The following OTX1 variants were observed in gnomAD, a reference collection of about 807,000 sequenced individuals.
OTX1 encodes the protein orthodenticle homeobox 1.
Under a neutral mutation model 26.7 loss-of-function variants are expected in OTX1, and 7 were observed. The observed-to-expected ratio is 0.26, with a 90% CI of 0.15 to 0.49. OTX1 has a LOEUF of 0.49. Among genes scored for constraint, OTX1 ranks in the 20% least tolerant of loss-of-function variants. The pLI is 0.98. For missense variants in OTX1, 414 were observed against 483.8 expected (o/e 0.86, Z 1.35); for synonymous variants, 216 against 212.8 (o/e 1.01, Z -0.13).
chr2:63,056,300 G>C lies in OTX1; in HGVS notation c.1049G>C (p.Arg350Pro), dbSNP rs972585229. ...GACTATAAGGACCAAGCCTCATGGCGGTTCCAGGTCTTGTGAGCCCAGGAA... is the reference window on the plus strand; with the variant it reads ...GACTATAAGGACCAAGCCTCATGGCCGTTCCAGGTCTTGTGAGCCCAGGAA... Reference protein sequence around the residue: ...CLDYKDQASWRFQVL With the variant: ...CLDYKDQASWPFQVL The change falls in exon 5 of 5, where the codon CGG becomes CCG. Residue 350 changes from arginine to proline, a missense_variant. Physicochemically the swap from Arg to Pro is moderately radical, Grantham distance 103. Around this residue, in one of 3 missense-constraint regions of OTX1, gnomAD observed 320 missense variants for 347.9 expected, o/e 0.92. Coordinates refer to ENST00000282549, the MANE Select transcript of OTX1 (RefSeq NM_014562.4). 3.7e-6 allele frequency: 6 copies of C among 1,611,962 alleles called. No homozygotes were observed. The highest frequency in any genetic ancestry group is 5.1e-6 in the Non-Finnish European group (6 of 1,178,514).
Position 63,055,355 on chromosome 2 carries a change from TG to T in OTX1, c.250-144del. 1 of 831,528 alleles carries T rather than the reference TG, an allele frequency of 1.2e-6. No homozygotes were observed. Among genetic ancestry groups the T allele is most frequent in the Non-Finnish European group, 1.8e-6 (1 of 544,552 alleles). The allele number at this position is 831,528 out of a possible 1,614,324, so 51.5% of individuals were successfully genotyped here. The stretch of plus-strand genomic sequence containing the variant: ...GGGAACCGAGGTAGGGGGCAGGGTC[TG>T]GCCAGGCCAGAGACAGGAAGGGGCG... On this transcript the variant is annotated intron_variant, in intron 4 of 4. Transcript: ENST00000282549. The surrounding 1 kb of genome is among the most constrained non-coding windows in gnomAD (Gnocchi z 5.2).
chr2:63,052,895 G>T lies in OTX1; in HGVS notation c.-96G>T, dbSNP rs907728573. 5.4e-5 allele frequency: 40 copies of T among 738,444 alleles called. No individual in the cohort carries two copies. The highest frequency in any genetic ancestry group is 2.4e-4 in the Middle Eastern group (1 of 4,166). The allele number at this position is 738,444 out of a possible 1,614,324, so 45.7% of individuals were successfully genotyped here. On this transcript the variant is annotated 5_prime_UTR_variant, in exon 3 of 5. Transcript: ENST00000282549. ...GTCTTCATAGGCCAGGCCCCCAGAC[G>T]CATCAGACCCTGAAGGACTGCGTGG...
At position 63,056,400 on chromosome 2, in the gene OTX1, CT is replaced by C; in HGVS notation, c.*87del. 2 of 1,228,026 alleles carry C rather than the reference CT, an allele frequency of 1.6e-6. No individual in the cohort carries two copies. The highest frequency in any genetic ancestry group is 2.2e-5 in the Admixed American group (1 of 46,148). 76.1% of individuals were successfully genotyped at this position (1,228,026 alleles called of 1,614,324 possible). On this transcript the variant is annotated 3_prime_UTR_variant, in exon 5 of 5. Transcript: ENST00000282549. ...CTGTTGCTGCTGCTGCACCGCCCGC[CT>C]TTGCCTCGTCTTCTCCAAAACTGAA... is the stretch of plus-strand genomic sequence containing the variant.
chr2:63,050,450 C>T (rs1029992302), upstream of OTX1, among the ~76,000 whole-genome samples: 7 of 152,152 alleles, frequency 4.6e-5, no homozygotes, highest in Non-Finnish European at 7.4e-5. Context: ...ACCGGTTCTC[C>T]AGCACCTCGC....
In OTX1 at chr2:63,056,318, C is replaced by G. The variant is rs771292265; in HGVS notation, c.*2C>G. On this transcript the variant is annotated 3_prime_UTR_variant, in exon 5 of 5. Coordinates refer to ENST00000282549, the MANE Select transcript of OTX1 (RefSeq NM_014562.4). Reference sequence around the variant, plus strand: ...TCATGGCGGTTCCAGGTCTTGTGAGCCCAGGAATGAAAGAGGAGAAGAAAC... The same window carrying G: ...TCATGGCGGTTCCAGGTCTTGTGAGGCCAGGAATGAAAGAGGAGAAGAAAC... 6.2e-7 allele frequency: 1 copy of G among 1,604,194 alleles called. No individual in the cohort carries two copies. The highest frequency in any genetic ancestry group is 8.5e-7 in the Non-Finnish European group (1 of 1,173,194).
Position 63,056,413 on chromosome 2 carries a change from T to C in OTX1, c.*97T>C. ...TGCACCGCCCGCCTTTGCCTCGTCT[T>C]CTCCAAAACTGAATTTTCACCCCCC... On this transcript the variant is annotated 3_prime_UTR_variant, in exon 5 of 5. Coordinates refer to ENST00000282549, the MANE Select transcript of OTX1 (RefSeq NM_014562.4). 9.0e-7 allele frequency: 1 copy of C among 1,107,434 alleles called. No individual in the cohort carries two copies. Among genetic ancestry groups the C allele is most frequent in the Non-Finnish European group, 1.3e-6 (1 of 772,522 alleles). 68.6% of individuals were successfully genotyped at this position (1,107,434 alleles called of 1,614,324 possible).
chr2:63,055,808 C>T lies in OTX1; in HGVS notation c.557C>T (p.Ser186Leu), dbSNP rs1273625245. The T allele has an allele frequency of 1.2e-6, 2 of 1,612,214 alleles. No individual in the cohort carries two copies. The highest frequency in any genetic ancestry group is 4.5e-5 in the East Asian group (2 of 44,854). ...AGCCCGGCCTCCATCTCGCCAGGCT[C>T]AGCGCCCGCGTCCGTGTCGGTGCCG... Reference protein sequence around the residue: ...IWSPASISPGSAPASVSVPEP... With the variant: ...IWSPASISPGLAPASVSVPEP... Residue 186 changes from serine to leucine, a missense_variant, in exon 5 of 5, where the codon TCA becomes TTA. Around this residue, in one of 3 missense-constraint regions of OTX1, gnomAD observed 320 missense variants for 347.9 expected, o/e 0.92. Coordinates refer to ENST00000282549, the MANE Select transcript of OTX1 (RefSeq NM_014562.4). The surrounding 1 kb of genome is among the most constrained non-coding windows in gnomAD (Gnocchi z 5.2).
In OTX1 at chr2:63,055,661, C is replaced by G; in HGVS notation, c.410C>G (p.Ser137Trp). The G allele has an allele frequency of 1.9e-6, 3 of 1,614,058 alleles. No homozygotes were observed. The highest frequency in any genetic ancestry group is 2.5e-6 in the Non-Finnish European group (3 of 1,180,010). The stretch of plus-strand genomic sequence containing the variant: ...CCGCCAGCTGTGTCCAGCTCTGCCT[C>G]GTCCTCTAGCTCGGCGTCCAGCTCT... ...FTPPAVSSSA[S>W]SSSSASSSSA... Residue 137 changes from serine (S) to tryptophan (W), a missense_variant, in exon 5 of 5, where the codon TCG becomes TGG. Ser to Trp is a radical substitution (Grantham distance 177, BLOSUM62 -3). Transcript: ENST00000282549. This position sits in a 1 kb window ranked among gnomAD's most constrained non-coding sequence, Gnocchi z 5.2.
chr2:63,057,186 A>T lies in OTX1; in HGVS notation c.*870A>T, dbSNP rs992324353. 6.6e-6 allele frequency: 1 copy of T among 151,858 alleles called. No individual in the cohort carries two copies. Among genetic ancestry groups the T allele is most frequent in the Non-Finnish European group, 1.5e-5 (1 of 68,010 alleles). The allele number at this position is 151,858 out of a possible 1,614,324, so 9.4% of individuals were successfully genotyped here. Reference sequence around the variant, plus strand: ...ACATATATAAAAAACAAAAGCAAAAAATATTTTCCCTCTGTCCGTCCCCCT... The same window carrying T: ...ACATATATAAAAAACAAAAGCAAAATATATTTTCCCTCTGTCCGTCCCCCT... On this transcript the variant is annotated 3_prime_UTR_variant, in exon 5 of 5. Transcript: ENST00000282549.
upstream of OTX1, chr2:63,050,644 CGGGAGGGCG>C (rs959986691): frequency 8.1e-5 from 3 of 36,938 alleles, no homozygotes; most frequent in South Asian, 1.1e-3. Context: ...CGGGGCGGGG[CGGGAGGGCG>C]GGGAGGGCGG....
In OTX1 at chr2:63,056,630, T is replaced by C; in HGVS notation, c.*314T>C. 2.5e-6 allele frequency: 1 copy of C among 404,042 alleles called. No homozygotes were observed. The highest frequency in any genetic ancestry group is 2.0e-5 in the African/African-American group (1 of 50,528). The allele number at this position is 404,042 out of a possible 1,614,324, so 25.0% of individuals were successfully genotyped here. A position where few individuals can be genotyped will look rare whatever the true frequency, so the allele number is the denominator to read the frequency against. On this transcript the variant is annotated 3_prime_UTR_variant, in exon 5 of 5. Transcript: ENST00000282549. ...CTCTTAAGCCTCCCCTTCCAGTCTT[T>C]CTGGACAGCTATTAAGCACTTGCAG...
In OTX1 at chr2:63,055,664, C is replaced by T. The variant is rs376661345; in HGVS notation, c.413C>T (p.Ser138Phe). ...TPPAVSSSAS[S>F]SSSASSSSAN... ...CCAGCTGTGTCCAGCTCTGCCTCGT[C>T]CTCTAGCTCGGCGTCCAGCTCTTCC... The change falls in exon 5 of 5, where the codon TCC becomes TTC. Residue 138 changes from serine to phenylalanine, a missense_variant. Ser to Phe is a radical substitution (Grantham distance 155). This residue lies in a region of OTX1 where 320 missense variants were observed against 347.9 expected (regional missense o/e 0.92). Coordinates refer to ENST00000282549, the MANE Select transcript of OTX1 (RefSeq NM_014562.4). This position sits in a 1 kb window ranked among gnomAD's most constrained non-coding sequence, Gnocchi z 5.2. 10 of 1,613,954 alleles carry T rather than the reference C, an allele frequency of 6.2e-6. No individual in the cohort carries two copies. Among genetic ancestry groups the T allele is most frequent in the Non-Finnish European group, 7.6e-6 (9 of 1,180,016 alleles).
Position 63,055,649 on chromosome 2 carries a change from C to T in OTX1, c.398C>T (p.Ser133Phe), listed in dbSNP as rs141612476. ...SSGQFTPPAV[S>F]SSASSSSSAS... ...GGCCAATTCACGCCGCCAGCTGTGT[C>T]CAGCTCTGCCTCGTCCTCTAGCTCG... Residue 133 changes from serine to phenylalanine, a missense_variant, in exon 5 of 5, where the codon TCC becomes TTC. Coordinates refer to ENST00000282549, the MANE Select transcript of OTX1 (RefSeq NM_014562.4). This position sits in a 1 kb window ranked among gnomAD's most constrained non-coding sequence, Gnocchi z 5.2. The T allele has an allele frequency of 6.2e-6, 10 of 1,614,024 alleles. No homozygotes were observed. The highest frequency in any genetic ancestry group is 8.5e-6 in the Non-Finnish European group (10 of 1,180,034).
intron 3 of OTX1, 112 bp from the exon 4 acceptor site, chr2:63,053,935 G>A (rs778923519): frequency 2.4e-6 from 3 of 1,269,196 alleles, no homozygotes; most frequent in Non-Finnish European, 3.2e-6. Context: ...TTCCCAGTTC[G>A]GCTTTCTTTT....
chr2:63,053,205 G>A, intron 3 of OTX1, 118 bp downstream of exon 3: 2 of 646,958 alleles, frequency 3.1e-6, no homozygotes, highest in East Asian at 6.1e-5. Context: ...CTGCAACACA[G>A]GGCCCACTGT....
chr2:63,053,788 TCTTAA>T lies in OTX1; in HGVS notation c.98-255_98-251del, dbSNP rs2062044439. 1.0e-5 allele frequency: 5 copies of T among 486,176 alleles called. No homozygotes were observed. In the Admixed American group the frequency reaches 1.5e-4, roughly 15 times the overall value. The allele number at this position is 486,176 out of a possible 1,614,324, so 30.1% of individuals were successfully genotyped here. A position where few individuals can be genotyped will look rare whatever the true frequency, so the allele number is the denominator to read the frequency against. On this transcript the variant is annotated intron_variant, in intron 3 of 4. Coordinates refer to ENST00000282549, the MANE Select transcript of OTX1 (RefSeq NM_014562.4). ...TAGAAGAAGGGAGATTGTAGACTTC[TCTTAA>T]CTTTTTTAACCTCTGAGAGGCATAG...
chr2:63,050,653 G>A (rs2062018558), upstream of OTX1: 1 of 151,294 alleles, frequency 6.6e-6, no homozygotes, highest in Non-Finnish European at 1.5e-5. Context: ...GCGGGAGGGC[G>A]GGGAGGGCGG....
At chr2:63,052,496 G>C (rs886372981) in intron 2 of OTX1, among the ~76,000 whole-genome samples, 3 of 152,210 alleles carry the variant, frequency 2.0e-5, no homozygotes, top group Admixed American at 6.5e-5. Context: ...TCATGCTCTG[G>C]GCGGCCTGCC....
In OTX1 at chr2:63,053,054, A is replaced by G. The variant is rs780097298; in HGVS notation, c.64A>G (p.Met22Val). The G allele has an allele frequency of 6.2e-7, 1 of 1,603,374 alleles. No homozygotes were observed. Among genetic ancestry groups the G allele is most frequent in the East Asian group, 2.3e-5 (1 of 43,728 alleles). The change falls in exon 3 of 5, where the codon ATG (methionine) becomes GTG (valine). Residue 22 changes from methionine to valine, a missense_variant. Coordinates refer to ENST00000282549, the MANE Select transcript of OTX1 (RefSeq NM_014562.4). The stretch of plus-strand genomic sequence containing the variant: ...CGGGCTGGGCCTGGCCGGGCCCGCC[A>G]TGGACCTCCTGCACCCATCCGTGGG... ...MNGLGLAGPA[M>V]DLLHPSVGYP...
Sources: gnomAD v4.1 joint callset for allele counts (sites outside exome capture counted in the v4.1 genomes callset) on GRCh38, gnomAD v4.1.1 for gene constraint, gnomAD v4.1.1 regional missense constraint, Gnocchi (gnomAD v3.1) non-coding constraint, MANE v1.5 for transcripts, NCBI Gene and HGNC (gene_info 2026-07-23, HGNC 2026-07-21) for gene names.